The following KCNJ15 variants were observed in gnomAD, a reference collection of about 807,000 sequenced individuals.
The protein encoded by KCNJ15 is ATP-sensitive inward rectifier potassium channel 15.
In KCNJ15, 14 loss-of-function variants were observed where a neutral mutation model predicts 23.0. The ratio of observed to expected loss-of-function variants is 0.61; its 90% CI spans 0.40 to 0.95. The LOEUF (loss-of-function observed/expected upper bound fraction) is 0.95, where lower values mean the gene tolerates loss of function less well. Among genes scored for constraint, KCNJ15 ranks in the 40% least tolerant of loss-of-function variants. KCNJ15 has a pLI of 0.00. For synonymous variants in KCNJ15, 185 were observed against 183.2 expected (o/e 1.01, Z -0.08); for missense variants, 388 against 461.8 (o/e 0.84, Z 1.46).
chr21:38,256,654 G>T (rs938522869), upstream of KCNJ15: 3 of 152,002 alleles, frequency 2.0e-5, no homozygotes, highest in African/African-American at 7.3e-5. Context: ...TAGCCAAAGG[G>T]ACCTTAAAAT....
At chr21:38,262,669 T>C (rs1981037364) in intron 1 of KCNJ15, among the ~76,000 whole-genome samples, 1 of 152,002 alleles carries the variant, frequency 6.6e-6, no homozygotes, top group Admixed American at 6.6e-5. Flanking sequence ...CATAGTGACA[T>C]TGACATCTGA....
chr21:38,255,754 C>A (rs1228785788), upstream of KCNJ15, among the ~76,000 whole-genome samples: 1 of 152,172 alleles, frequency 6.6e-6, no homozygotes, highest in Non-Finnish European at 1.5e-5. Flanking sequence ...AGTTCAAGCA[C>A]CCAGAACAGC....
chr21:38,262,821 G>A (rs754809391), intron 1 of KCNJ15, among the ~76,000 whole-genome samples: 1 of 151,902 alleles, frequency 6.6e-6, no homozygotes, highest in Non-Finnish European at 1.5e-5. Context: ...GGAATTACAG[G>A]CACCTGCCAC....
intron 1 of KCNJ15, among the ~76,000 whole-genome samples, chr21:38,286,473 A>G (rs1206604033): frequency 2.6e-5 from 4 of 152,350 alleles, no homozygotes; most frequent in South Asian, 2.1e-4. Context: ...GTGAGCACCA[A>G]TGTAATGTTC....
chr21:38,252,955 C>T (rs1275030528), upstream of KCNJ15, among the ~76,000 whole-genome samples: 1 of 152,212 alleles, frequency 6.6e-6, no homozygotes, highest in Non-Finnish European at 1.5e-5. Context: ...GGAGCCACTT[C>T]CATTTCCATT....
At chr21:38,283,975 C>T (rs888840880) in intron 1 of KCNJ15, among the ~76,000 whole-genome samples, 3 of 152,202 alleles carry the variant, frequency 2.0e-5, no homozygotes, top group Non-Finnish European at 4.4e-5. Flanking sequence ...TTCCACACTA[C>T]TGTCTAAGGG....
At chr21:38,260,949 G>C (rs933963581) in intron 1 of KCNJ15, among the ~76,000 whole-genome samples, 1 of 152,154 alleles carries the variant, frequency 6.6e-6, no homozygotes, top group Non-Finnish European at 1.5e-5. Flanking sequence ...GGCTGTGTAG[G>C]CCACTCATTC....
intron 1 of KCNJ15, among the ~76,000 whole-genome samples, chr21:38,282,717 C>T (rs2123683607): frequency 6.6e-6 from 1 of 152,240 alleles, no homozygotes; most frequent in Admixed American, 6.5e-5. Context: ...CACCGTGTGC[C>T]TCCCTTAAAC....
intron 1 of KCNJ15, among the ~76,000 whole-genome samples, chr21:38,289,174 C>G (rs143644768): frequency 0.017 from 2,235 of 134,378 alleles, 69 homozygotes; most frequent in African/African-American, 0.063. Flanking sequence ...TCTCCAGCCT[C>G]GGCAACAGAG....
chr21:38,303,980 C>A lies in KCNJ15; in HGVS notation c.*3591C>A, dbSNP rs1291696879. On this transcript the variant is annotated 3_prime_UTR_variant, in exon 3 of 3. Transcript: ENST00000398938. ...ATGTCAGACATTTGACCACATGGCACAGTGAATACTCTCACGCTCTCAATT... is the reference window on the plus strand; with the variant it reads ...ATGTCAGACATTTGACCACATGGCAAAGTGAATACTCTCACGCTCTCAATT... The A allele has an allele frequency of 6.6e-6, 1 of 151,912 alleles. No individual in the cohort carries two copies. Among genetic ancestry groups the A allele is most frequent in the Non-Finnish European group, 1.5e-5 (1 of 67,980 alleles). The allele number at this position is 151,912 out of a possible 1,614,324, so 9.4% of individuals were successfully genotyped here.
intron 1 of KCNJ15, among the ~76,000 whole-genome samples, chr21:38,233,537 T>G (rs933362257): frequency 1.3e-5 from 2 of 152,132 alleles, no homozygotes; most frequent in South Asian, 2.1e-4. Context: ...TTGTATTAAA[T>G]TAATGTTTGA....
intron 1 of KCNJ15, among the ~76,000 whole-genome samples, chr21:38,281,149 A>G (rs915710966): frequency 7.9e-5 from 12 of 152,184 alleles, no homozygotes; most frequent in Admixed American, 2.0e-4. Flanking sequence ...TGCAAGTTTA[A>G]TCAGTATTGG....
At chr21:38,274,480 C>T (rs1982442801) in intron 1 of KCNJ15, among the ~76,000 whole-genome samples, 1 of 152,224 alleles carries the variant, frequency 6.6e-6, no homozygotes, top group Non-Finnish European at 1.5e-5. Context: ...CTTCCACTTC[C>T]CCACAACTAG....
chr21:38,307,165 A>G lies in KCNJ15; in HGVS notation c.*6776A>G, dbSNP rs1193782036. The stretch of plus-strand genomic sequence containing the variant: ...CACTAACTGTGGATACTCTGTCATC[A>G]CTGAACCCAATCATACAATGACCAG... On this transcript the variant is annotated 3_prime_UTR_variant, in exon 3 of 3. Transcript: ENST00000398938. 6.6e-6 allele frequency: 1 copy of G among 152,234 alleles called. No individual in the cohort carries two copies. The highest frequency in any genetic ancestry group is 2.4e-5 in the African/African-American group (1 of 41,456). 9.4% of individuals were successfully genotyped at this position (152,234 alleles called of 1,614,324 possible). A position where few individuals can be genotyped will look rare whatever the true frequency, so the allele number is the denominator to read the frequency against.
chr21:38,296,009 G>A (rs1225393757), intron 1 of KCNJ15, among the ~76,000 whole-genome samples: 6 of 152,170 alleles, frequency 3.9e-5, no homozygotes, highest in Non-Finnish European at 1.5e-5. Flanking sequence ...TAAATAATTG[G>A]CAGATCAGAA....
At chr21:38,265,026 T>C (rs1473583195) in intron 1 of KCNJ15, among the ~76,000 whole-genome samples, 1 of 152,168 alleles carries the variant, frequency 6.6e-6, no homozygotes, top group Non-Finnish European at 1.5e-5. Context: ...AAGAATATAC[T>C]GCAATCCCAG....
At chr21:38,253,563 A>G (rs980560750), upstream of KCNJ15, among the ~76,000 whole-genome samples, 11 of 152,248 alleles carry the variant, frequency 7.2e-5, no homozygotes, top group African/African-American at 2.2e-4. Context: ...GCTTCCATAA[A>G]TAGCTCCATA....
In KCNJ15 at chr21:38,295,634, A is replaced by T. The variant is rs1985072396; in HGVS notation, c.-116-1292A>T. ...ATTCTTTGTGTTTTTATCTTTTGGA[A>T]AACTGTTATTGTTGCTTACCATGTT... is the stretch of plus-strand genomic sequence containing the variant. On this transcript the variant is annotated intron_variant, in intron 1 of 2. Transcript: ENST00000398938. Among the ~76,000 whole-genome samples, 3 of 152,126 alleles carry T rather than the reference A, an allele frequency of 2.0e-5. No homozygotes were observed. The South Asian group carries it at 6.2e-4, about 31-fold the overall frequency.
upstream of KCNJ15, among the ~76,000 whole-genome samples, chr21:38,255,113 A>G (rs1439811188): frequency 2.0e-5 from 3 of 152,220 alleles, no homozygotes; most frequent in Admixed American, 6.5e-5. Flanking sequence ...TCAGACAGTG[A>G]TAAGTGAGAT....
Sources: gnomAD v4.1 joint callset for allele counts (sites outside exome capture counted in the v4.1 genomes callset) on GRCh38, gnomAD v4.1.1 for gene constraint, MANE v1.5 for transcripts, NCBI Gene and HGNC (gene_info 2026-07-23, HGNC 2026-07-21) for gene names.